MDGA2: variants seen among roughly 807,000 people sequenced by gnomAD.
MDGA2 encodes MAM domain-containing glycosylphosphatidylinositol anchor protein 2.
Under a neutral mutation model 117.8 loss-of-function variants are expected in MDGA2, and 40 were observed. That is an observed-to-expected ratio of 0.34 (90% CI 0.26 to 0.44). The LOEUF is 0.44. MDGA2 is among the 20% of genes least tolerant of loss of function. MDGA2 has a pLI of 1.00. For synonymous variants in MDGA2, 452 were observed against 439.0 expected (o/e 1.03, Z -0.37); for missense variants, 1,123 against 1,250.6 (o/e 0.90, Z 1.54).
intron 3 of MDGA2, among the ~76,000 whole-genome samples, chr14:47,215,285 T>A (rs886068584): frequency 5.3e-5 from 8 of 152,098 alleles, no homozygotes; most frequent in African/African-American, 1.9e-4. Context: ...GAATATCTAT[T>A]CAACTAAGCT....
intron 8 of MDGA2, among the ~76,000 whole-genome samples, chr14:46,999,459 G>T (rs928594785): frequency 6.6e-6 from 1 of 151,950 alleles, no homozygotes; most frequent in African/African-American, 2.4e-5. Context: ...GATTCTAAAT[G>T]AAGTGCAATA....
intron 1 of MDGA2, among the ~76,000 whole-genome samples, chr14:47,574,512 ATATTCT>A (rs1407679324): frequency 6.6e-6 from 1 of 152,096 alleles, no homozygotes; most frequent in Non-Finnish European, 1.5e-5. Flanking sequence ...TTTTGCTTTC[ATATTCT>A]TAACTATGAA....
intron 1 of MDGA2, among the ~76,000 whole-genome samples, chr14:47,598,747 T>A (rs183983929): frequency 1.3e-5 from 2 of 152,298 alleles, no homozygotes; most frequent in Admixed American, 6.5e-5. Context: ...TGGGTATAGA[T>A]AGTGGTGATG....
At chr14:47,095,175 A>C (rs1017656700) in intron 6 of MDGA2, among the ~76,000 whole-genome samples, 1 of 152,034 alleles carries the variant, frequency 6.6e-6, no homozygotes, top group Non-Finnish European at 1.5e-5. Flanking sequence ...AGCACATTTC[A>C]TTGATTCTAA....
intron 6 of MDGA2, among the ~76,000 whole-genome samples, chr14:47,094,293 C>A (rs1056770840): frequency 2.6e-5 from 4 of 152,068 alleles, no homozygotes; most frequent in African/African-American, 9.6e-5. Flanking sequence ...AAAAAGAAAT[C>A]ATAAAATTGA....
chr14:47,155,293 T>C (rs112581120), intron 3 of MDGA2, among the ~76,000 whole-genome samples: 7 of 151,948 alleles, frequency 4.6e-5, no homozygotes, highest in Admixed American at 3.9e-4. Context: ...AATGGCAGGA[T>C]TGAAAGAGCT....
intron 2 of MDGA2, among the ~76,000 whole-genome samples, chr14:47,232,329 G>C (rs17573809): frequency 0.31 from 46,854 of 151,590 alleles, 7,637 homozygotes; most frequent in Middle Eastern, 0.39. Context: ...GGTAGGGAGA[G>C]TTACTTTGGA....
chr14:47,665,525 G>A (rs1052264925), intron 1 of MDGA2, among the ~76,000 whole-genome samples: 10 of 152,296 alleles, frequency 6.6e-5, no homozygotes, highest in Admixed American at 6.5e-4. Context: ...GTGGGGAGGT[G>A]TGGAGGGAGC....
At chr14:47,651,481 G>T (rs1007477872) in intron 1 of MDGA2, among the ~76,000 whole-genome samples, 1 of 152,100 alleles carries the variant, frequency 6.6e-6, no homozygotes, top group African/African-American at 2.4e-5. Context: ...GCCATATCTG[G>T]AGTGTGTGAG....
chr14:46,912,726 A>G (rs2138486722), intron 10 of MDGA2, among the ~76,000 whole-genome samples: 1 of 152,312 alleles, frequency 6.6e-6, no homozygotes. Context: ...AAAATCCTCA[A>G]GAAGTATTTG....
chr14:47,072,181 A>C (rs918317010), intron 6 of MDGA2, among the ~76,000 whole-genome samples: 2 of 151,800 alleles, frequency 1.3e-5, no homozygotes, highest in Admixed American at 6.6e-5. Context: ...ATAAGAAATA[A>C]GAGTCACACG....
intron 1 of MDGA2, among the ~76,000 whole-genome samples, chr14:47,371,928 C>G (rs994540559): frequency 6.6e-6 from 1 of 151,560 alleles, no homozygotes; most frequent in African/African-American, 2.4e-5. Flanking sequence ...ACAACATATA[C>G]TGTAATCTTT....
intron 1 of MDGA2, among the ~76,000 whole-genome samples, chr14:47,424,726 G>A (rs1892650294): frequency 6.6e-6 from 1 of 152,172 alleles, no homozygotes; most frequent in South Asian, 2.1e-4. Context: ...ATATCTATGT[G>A]ACATAGGTAA....
intron 2 of MDGA2, among the ~76,000 whole-genome samples, chr14:47,293,321 AT>A (rs1424893784): frequency 6.6e-6 from 1 of 152,238 alleles, no homozygotes; most frequent in African/African-American, 2.4e-5. Flanking sequence ...ATAACGGCAT[AT>A]TAGGACTAGC....
intron 9 of MDGA2, among the ~76,000 whole-genome samples, chr14:46,932,975 A>G (rs1370383745): frequency 6.6e-6 from 1 of 152,126 alleles, no homozygotes; most frequent in Non-Finnish European, 1.5e-5. Context: ...GAATGTATCA[A>G]CAATAAACAT....
At chr14:47,415,494 A>C (rs761302929) in intron 1 of MDGA2, among the ~76,000 whole-genome samples, 1 of 152,278 alleles carries the variant, frequency 6.6e-6, no homozygotes, top group South Asian at 2.1e-4. Context: ...ATTTCAGTAT[A>C]TAGTTATAAT....
At chr14:46,927,807 G>A (rs1205572512) in intron 9 of MDGA2, among the ~76,000 whole-genome samples, 2 of 152,156 alleles carry the variant, frequency 1.3e-5, no homozygotes, top group African/African-American at 4.8e-5. Context: ...TATAGCTGGT[G>A]TATTCATCCC....
intron 3 of MDGA2, among the ~76,000 whole-genome samples, chr14:47,207,301 A>T (rs1209341947): frequency 1.3e-5 from 2 of 152,036 alleles, no homozygotes; most frequent in African/African-American, 4.8e-5. Flanking sequence ...AGGAGAAAAA[A>T]TAAGCAGAGG....
chr14:47,172,710 A>G (rs1884217153), intron 3 of MDGA2, among the ~76,000 whole-genome samples: 1 of 152,198 alleles, frequency 6.6e-6, no homozygotes, highest in Admixed American at 6.5e-5. Context: ...AAAACAGAGC[A>G]GAAAAACTGG....
Sources: allele counts gnomAD v4.1 joint callset (sites outside exome capture counted in the v4.1 genomes callset), GRCh38; gene constraint gnomAD v4.1.1; transcripts MANE v1.5; gene names NCBI Gene and HGNC (gene_info 2026-07-23, HGNC 2026-07-21).